Variants in ZNF644 observed in about 807,000 individuals in gnomAD.
ZNF644 encodes zinc finger protein 644, also known as zinc finger motif enhancer binding protein 2.
Under a neutral mutation model 108.0 loss-of-function variants are expected in ZNF644, and 20 were observed. The observed-to-expected ratio is 0.19, with a 90% CI of 0.13 to 0.27. The LOEUF (loss-of-function observed/expected upper bound fraction) is 0.27, where lower values mean the gene tolerates loss of function less well. ZNF644 is among the 10% of genes least tolerant of loss of function. The pLI, the probability that ZNF644 is intolerant of heterozygous loss-of-function variation, is 1.00. For missense variants in ZNF644, 1,338 were observed against 1,548.9 expected (o/e 0.86, Z 2.29); for synonymous variants, 542 against 539.1 (o/e 1.01, Z -0.08).
intron 2 of ZNF644, among the ~76,000 whole-genome samples, chr1:90,967,396 G>C (rs906653758): frequency 6.6e-6 from 1 of 152,102 alleles, no homozygotes; most frequent in African/African-American, 2.4e-5. Context: ...GTTCCTTTCA[G>C]AACTCTTTCA....
At chr1:91,004,695 G>A (rs913778216) in intron 1 of ZNF644, among the ~76,000 whole-genome samples, 1 of 152,138 alleles carries the variant, frequency 6.6e-6, no homozygotes, top group Non-Finnish European at 1.5e-5. Flanking sequence ...ATAACAGCAC[G>A]AAGGAAGGAG....
chr1:90,920,914 T>C (rs546423993), intron 4 of ZNF644, among the ~76,000 whole-genome samples: 2 of 152,242 alleles, frequency 1.3e-5, no homozygotes, highest in South Asian at 4.1e-4. Flanking sequence ...AAATGTTATA[T>C]TTTTGAGCAG....
At chr1:91,003,066 C>T (rs557934215) in intron 1 of ZNF644, among the ~76,000 whole-genome samples, 38 of 152,318 alleles carry the variant, frequency 2.5e-4, no homozygotes, top group Non-Finnish European at 2.8e-4. Flanking sequence ...AATAGGAATG[C>T]TTTTACACTG....
chr1:90,966,069 G>A (rs1219047579), intron 2 of ZNF644, among the ~76,000 whole-genome samples: 1 of 151,980 alleles, frequency 6.6e-6, no homozygotes, highest in Non-Finnish European at 1.5e-5. Flanking sequence ...CTTTCTCAAT[G>A]TACTCATATT....
At chr1:91,010,496 C>A (rs1659861187) in intron 1 of ZNF644, among the ~76,000 whole-genome samples, 1 of 151,574 alleles carries the variant, frequency 6.6e-6, no homozygotes, top group Non-Finnish European at 1.5e-5. Context: ...AGGTGCTCCA[C>A]CTGCCTCAGC....
chr1:91,008,140 T>C (rs1659621093), intron 1 of ZNF644, among the ~76,000 whole-genome samples: 1 of 152,230 alleles, frequency 6.6e-6, no homozygotes, highest in African/African-American at 2.4e-5. Flanking sequence ...CAGATTTTTA[T>C]TTAATTCTCC....
intron 1 of ZNF644, among the ~76,000 whole-genome samples, chr1:91,015,755 C>G (rs971879017): frequency 2.6e-5 from 4 of 152,134 alleles, no homozygotes; most frequent in Admixed American, 6.6e-5. Flanking sequence ...TTGTCTTTAT[C>G]GGCATGGCTT....
At chr1:91,002,827 T>C (rs1417692654) in intron 1 of ZNF644, among the ~76,000 whole-genome samples, 3 of 152,044 alleles carry the variant, frequency 2.0e-5, no homozygotes, top group Non-Finnish European at 2.9e-5. Context: ...TCAAACAAAG[T>C]TACCAGAAAA....
rs760389979 is a variant in ZNF644 at position 90,940,457 on chromosome 1, C to T, written c.897G>A (p.Lys299=). 21 of 1,613,542 alleles carry T rather than the reference C, an allele frequency of 1.3e-5. No individual in the cohort carries two copies. Among genetic ancestry groups the T allele is most frequent in the Non-Finnish European group, 1.8e-5 (21 of 1,179,874 alleles). ...AGCAATCCTCGGTATAACGAGTTAT[C>T]TTGCTTACATCCATTTTTCGCTTTC... ...KKRKRKMDVS[K]ITRYTEDCFS... is the part of the protein sequence containing the mutation. Residue 299 remains lysine (K), a synonymous_variant, in exon 3 of 6, where the codon AAG becomes AAA. Transcript: ENST00000337393.
intron 2 of ZNF644, among the ~76,000 whole-genome samples, chr1:90,945,976 T>C (rs1652475621): frequency 6.6e-6 from 1 of 152,074 alleles, no homozygotes; most frequent in East Asian, 1.9e-4. Flanking sequence ...ACTAGCTGAA[T>C]TATAGTTAGG....
chr1:91,016,814 AC>A (rs1660473755), intron 1 of ZNF644, among the ~76,000 whole-genome samples: 1 of 152,158 alleles, frequency 6.6e-6, no homozygotes, highest in Admixed American at 6.5e-5. Context: ...AAATATACTT[AC>A]GTTTCTAGAG....
intron 2 of ZNF644, chr1:90,972,789 G>A (rs980064325): frequency 1.3e-5 from 2 of 152,194 alleles, no homozygotes; most frequent in African/African-American, 4.8e-5. Context: ...CTTAAAATGG[G>A]AGGAAATTCT....
At chr1:91,014,791 T>C (rs146551220) in intron 1 of ZNF644, among the ~76,000 whole-genome samples, 74 of 152,250 alleles carry the variant, frequency 4.9e-4, no homozygotes, top group African/African-American at 1.5e-3. Flanking sequence ...GTTTTAAAAC[T>C]AGGAGATGAA....
At chr1:91,010,546 CT>C (rs1214087328) in intron 1 of ZNF644, among the ~76,000 whole-genome samples, 3 of 152,022 alleles carry the variant, frequency 2.0e-5, no homozygotes, top group Admixed American at 2.0e-4. Context: ...GCTCTTCCCC[CT>C]AGCTGTTATC....
At chr1:90,977,851 T>A (rs911525174) in intron 2 of ZNF644, among the ~76,000 whole-genome samples, 1 of 152,148 alleles carries the variant, frequency 6.6e-6, no homozygotes, top group African/African-American at 2.4e-5. Context: ...ACAGTTATAA[T>A]AAATGTGGTA....
intron 1 of ZNF644, among the ~76,000 whole-genome samples, chr1:91,002,050 C>A (rs545590462): frequency 2.0e-5 from 3 of 152,286 alleles, no homozygotes; most frequent in East Asian, 1.9e-4. Context: ...AATGGAAGAA[C>A]ATTCCATGCT....
chr1:90,970,658 G>C (rs963508885), intron 2 of ZNF644, among the ~76,000 whole-genome samples: 3 of 152,018 alleles, frequency 2.0e-5, no homozygotes, highest in Admixed American at 1.3e-4. Flanking sequence ...TGAAAACAAT[G>C]GTCTAGAGTT....
rs746942799 is a variant in ZNF644 at position 90,937,566 on chromosome 1, C to T, written c.3607G>A (p.Val1203Ile). Residue 1203 changes from valine (V) to isoleucine (I), a missense_variant, in exon 4 of 6, where the codon GTT becomes ATT. Physicochemically the swap from Val to Ile is conservative, Grantham distance 29. This residue lies in a region of ZNF644 where 287 missense variants were observed against 310.9 expected (regional missense o/e 0.92). Transcript: ENST00000337393. ...TTTAATGGAAGAACGCATTTCTGAA[C>T]GAATCTCTTTCTTGCTGTCTGATTA... ...IHNQTARKRFVQKCVLPLNED... is the reference protein window; with the variant it reads ...IHNQTARKRFIQKCVLPLNED... 17 of 1,613,850 alleles carry T rather than the reference C, an allele frequency of 1.1e-5. No homozygotes were observed. The highest frequency in any genetic ancestry group is 1.4e-5 in the Non-Finnish European group (16 of 1,179,800).
At chr1:91,011,990 T>C (rs1211808841) in intron 1 of ZNF644, among the ~76,000 whole-genome samples, 4 of 152,158 alleles carry the variant, frequency 2.6e-5, no homozygotes, top group Non-Finnish European at 4.4e-5. Flanking sequence ...GCAACTATGT[T>C]ATCGGTGGAG....
Sources: gnomAD v4.1 joint callset for allele counts (sites outside exome capture counted in the v4.1 genomes callset) on GRCh38, gnomAD v4.1.1 for gene constraint, gnomAD v4.1.1 regional missense constraint, MANE v1.5 for transcripts, NCBI Gene and HGNC (gene_info 2026-07-23, HGNC 2026-07-21) for gene names.